PIBF1: variants seen among roughly 807,000 people sequenced by gnomAD.
The protein encoded by PIBF1 is progesterone-induced-blocking factor 1.
A neutral mutation model predicts 112.5 loss-of-function variants in PIBF1; 90 were observed. The ratio of observed to expected loss-of-function variants is 0.80; its 90% CI spans 0.67 to 0.95. The LOEUF (loss-of-function observed/expected upper bound fraction) is 0.95, where lower values mean the gene tolerates loss of function less well. PIBF1 is among the 40% of genes least tolerant of loss of function. PIBF1 has a pLI of 0.00. For synonymous variants in PIBF1, 301 were observed against 288.6 expected (o/e 1.04, Z -0.44); for missense variants, 915 against 852.3 (o/e 1.07, Z -0.92).
intron 11 of PIBF1, among the ~76,000 whole-genome samples, chr13:72,902,675 CTT>C (rs1408294410): frequency 6.6e-6 from 1 of 152,042 alleles, no homozygotes; most frequent in East Asian, 1.9e-4. Flanking sequence ...TTAGAAGTAA[CTT>C]AAGTGTCCAA....
At chr13:72,844,791 A>ACACACACACACACG (rs1566348767) in intron 9 of PIBF1, among the ~76,000 whole-genome samples, 5 of 131,210 alleles carry the variant, frequency 3.8e-5, no homozygotes, top group Admixed American at 1.6e-4. Flanking sequence ...ACACACACAC[A>ACACACACACACACG]CACACACACG....
chr13:72,846,560 C>G (rs1483859551), intron 9 of PIBF1, among the ~76,000 whole-genome samples: 2 of 152,150 alleles, frequency 1.3e-5, no homozygotes, highest in Non-Finnish European at 2.9e-5. Context: ...GTGATCCTAC[C>G]TGATCAGTAT....
chr13:72,930,204 A>T (rs905914715), intron 13 of PIBF1, among the ~76,000 whole-genome samples: 1 of 152,132 alleles, frequency 6.6e-6, no homozygotes, highest in Non-Finnish European at 1.5e-5. Flanking sequence ...TTTATCTGAT[A>T]TTGGGAAATA....
chr13:72,903,023 G>A (rs1159190726), intron 11 of PIBF1, among the ~76,000 whole-genome samples: 1 of 151,590 alleles, frequency 6.6e-6, no homozygotes, highest in Non-Finnish European at 1.5e-5. Context: ...AGCCTCCCGA[G>A]TAGCTAAGAT....
chr13:72,796,373 T>C (rs993919950), intron 4 of PIBF1, among the ~76,000 whole-genome samples: 2 of 152,126 alleles, frequency 1.3e-5, no homozygotes, highest in African/African-American at 4.8e-5. Context: ...AACTGCTGCT[T>C]TTTAATATGT....
At chr13:72,993,999 C>T (rs554224478) in intron 16 of PIBF1, among the ~76,000 whole-genome samples, 14 of 151,998 alleles carry the variant, frequency 9.2e-5, no homozygotes, top group Admixed American at 7.9e-4. Context: ...GTGGTGCCAG[C>T]GGCTCAGGAG....
chr13:72,971,620 C>G (rs1170601659), intron 15 of PIBF1, among the ~76,000 whole-genome samples: 1 of 152,158 alleles, frequency 6.6e-6, no homozygotes, highest in Non-Finnish European at 1.5e-5. Context: ...AAATTAGTAA[C>G]ACTGTATAAC....
intron 10 of PIBF1, among the ~76,000 whole-genome samples, chr13:72,870,931 AG>A (rs1339345858): frequency 6.6e-6 from 1 of 152,146 alleles, no homozygotes; most frequent in Non-Finnish European, 1.5e-5. Flanking sequence ...GTCAGAATAA[AG>A]AGCTTTTATT....
At chr13:72,975,503 T>TA (rs1444675741) in intron 16 of PIBF1, among the ~76,000 whole-genome samples, 1 of 152,164 alleles carries the variant, frequency 6.6e-6, no homozygotes, top group Non-Finnish European at 1.5e-5. Flanking sequence ...AGTTCAAAGG[T>TA]ACGTATCCTA....
At chr13:73,013,300 CAAAAAAAAAAAAAAA>C (rs869055620) in intron 17 of PIBF1, among the ~76,000 whole-genome samples, 2 of 14,658 alleles carry the variant, frequency 1.4e-4, no homozygotes, top group African/African-American at 2.0e-4. Flanking sequence ...GACTCTGTCT[CAAAAAAAAAAAAAAA>C]AAAAAAAAAA....
chr13:72,936,008 T>TTTTATTTATTTAATTA (rs2041862269), intron 14 of PIBF1, among the ~76,000 whole-genome samples: 1 of 149,322 alleles, frequency 6.7e-6, no homozygotes. Flanking sequence ...AATGATGTCT[T>TTTTATTTATTTAATTA]TTTATTTATT....
chr13:72,892,647 A>G (rs1446738989), intron 10 of PIBF1, among the ~76,000 whole-genome samples: 1 of 152,064 alleles, frequency 6.6e-6, no homozygotes, highest in Non-Finnish European at 1.5e-5. Context: ...TTCATCTGCA[A>G]AATACCTAGT....
intron 16 of PIBF1, among the ~76,000 whole-genome samples, chr13:72,984,406 C>T (rs1015199171): frequency 5.3e-5 from 8 of 152,082 alleles, no homozygotes; most frequent in Non-Finnish European, 8.8e-5. Flanking sequence ...TGGCCTTTTG[C>T]TTATGTTTTC....
chr13:73,010,810 C>CTTTTTCTTTTTTTTTTTTT (rs2044174823), intron 17 of PIBF1, among the ~76,000 whole-genome samples: 2 of 40,280 alleles, frequency 5.0e-5, no homozygotes, highest in African/African-American at 1.9e-4. Context: ...ATTAACTTTT[C>CTTTTTCTTTTTTTTTTTTT]TTTTTTTTTT....
At chr13:72,910,102 T>C (rs1024112619) in intron 12 of PIBF1, among the ~76,000 whole-genome samples, 13 of 152,180 alleles carry the variant, frequency 8.5e-5, no homozygotes, top group African/African-American at 2.9e-4. Context: ...GCATAAGGAC[T>C]GTATTTACTT....
intron 9 of PIBF1, among the ~76,000 whole-genome samples, chr13:72,852,101 C>T (rs560734514): frequency 7.9e-5 from 12 of 152,306 alleles, no homozygotes; most frequent in Admixed American, 7.2e-4. Context: ...AACTTGGGAC[C>T]TGCTTAATGG....
chr13:72,963,462 C>T (rs182102758), intron 14 of PIBF1, among the ~76,000 whole-genome samples: 94 of 152,116 alleles, frequency 6.2e-4, no homozygotes, highest in African/African-American at 2.1e-3. Context: ...GGCATGGTGG[C>T]GCACGCCTCT....
intron 17 of PIBF1, among the ~76,000 whole-genome samples, chr13:73,005,919 CTTTTTT>C (rs34315714): frequency 1.5e-5 from 2 of 132,812 alleles, no homozygotes. Flanking sequence ...TCTGGTTTCA[CTTTTTT>C]TTTTTTTTTT....
chr13:72,973,272 G>A (rs1302780603), intron 15 of PIBF1, among the ~76,000 whole-genome samples: 1 of 145,970 alleles, frequency 6.9e-6, no homozygotes, highest in Non-Finnish European at 1.5e-5. Context: ...AACACAGCAA[G>A]ACTCCATCTC....
Sources: allele counts gnomAD v4.1 joint callset (sites outside exome capture counted in the v4.1 genomes callset), GRCh38; gene constraint gnomAD v4.1.1; transcripts MANE v1.5; gene names NCBI Gene and HGNC (gene_info 2026-07-23, HGNC 2026-07-21).